MGAT4C: variants seen among roughly 807,000 people sequenced by gnomAD.
MGAT4C encodes the protein MGAT4 family member C.
A neutral mutation model predicts 40.1 loss-of-function variants in MGAT4C; 19 were observed. That is an observed-to-expected ratio of 0.47 (90% CI 0.33 to 0.70). The LOEUF is 0.70. Among genes scored for constraint, MGAT4C ranks in the 30% least tolerant of loss-of-function variants. The pLI is 0.02. For synonymous variants in MGAT4C, 181 were observed against 187.1 expected (o/e 0.97, Z 0.27); for missense variants, 491 against 563.2 (o/e 0.87, Z 1.30).
At chr12:86,224,298 T>A (rs1184342295) in intron 1 of MGAT4C, among the ~76,000 whole-genome samples, 1 of 152,186 alleles carries the variant, frequency 6.6e-6, no homozygotes, top group African/African-American at 2.4e-5. Context: ...TACCCAGATT[T>A]ATAAAGCAAA....
chr12:86,208,353 G>A (rs1950341039), intron 1 of MGAT4C, among the ~76,000 whole-genome samples: 1 of 152,152 alleles, frequency 6.6e-6, no homozygotes, highest in Non-Finnish European at 1.5e-5. Context: ...TGTAATCCCA[G>A]CTACTCAGGC....
intron 3 of MGAT4C, among the ~76,000 whole-genome samples, chr12:86,404,227 T>C (rs1400535644): frequency 6.6e-6 from 1 of 152,172 alleles, no homozygotes; most frequent in Non-Finnish European, 1.5e-5. Context: ...TGCAAGAGCA[T>C]TTAATATTAT....
At chr12:86,180,479 C>G (rs1334951632) in intron 1 of MGAT4C, among the ~76,000 whole-genome samples, 1 of 152,172 alleles carries the variant, frequency 6.6e-6, no homozygotes, top group Non-Finnish European at 1.5e-5. Flanking sequence ...GGAAAAGCCT[C>G]AGACACTCAA....
chr12:86,447,356 C>T lies in MGAT4C; in HGVS notation c.-228-12091G>A, dbSNP rs544965303. On this transcript the variant is annotated intron_variant, in intron 2 of 7. Transcript: ENST00000548651. Reference sequence around the variant, plus strand: ...GTTAGGCTGGTCTCGAACTACTGACCTCAGGTGAACCACCTGCCTTGGCCT... The same window carrying T: ...GTTAGGCTGGTCTCGAACTACTGACTTCAGGTGAACCACCTGCCTTGGCCT... Among the ~76,000 whole-genome samples, 5 of 152,230 alleles carry T rather than the reference C, an allele frequency of 3.3e-5. No individual in the cohort carries two copies. In the East Asian group the frequency reaches 7.8e-4, roughly 24 times the overall value.
At chr12:86,787,337 GAGT>G (rs1342904192) in intron 1 of MGAT4C, among the ~76,000 whole-genome samples, 4 of 16,604 alleles carry the variant, frequency 2.4e-4, no homozygotes, top group African/African-American at 3.3e-4. Flanking sequence ...TTTTATGACT[GAGT>G]AGTATTCAAT....
At chr12:86,490,412 T>C (rs1423138786) in intron 2 of MGAT4C, among the ~76,000 whole-genome samples, 1 of 150,830 alleles carries the variant, frequency 6.6e-6, no homozygotes, top group Admixed American at 6.6e-5. Flanking sequence ...CTAAAAGAGC[T>C]CCTGAAGGAA....
intron 2 of MGAT4C, among the ~76,000 whole-genome samples, chr12:86,556,658 C>G (rs1385662842): frequency 6.6e-6 from 1 of 152,024 alleles, no homozygotes; most frequent in Admixed American, 6.6e-5. Context: ...ATATTTTTTC[C>G]TTTAATATGC....
chr12:86,308,308 TAGAG>T (rs1281350032), intron 4 of MGAT4C, among the ~76,000 whole-genome samples: 4 of 150,508 alleles, frequency 2.7e-5, no homozygotes, highest in Admixed American at 2.0e-4. Context: ...AAGTGCCTGT[TAGAG>T]AGAAAAATAC....
intron 2 of MGAT4C, among the ~76,000 whole-genome samples, chr12:86,019,565 C>T (rs1889444158): frequency 6.6e-6 from 1 of 152,252 alleles, no homozygotes; most frequent in Admixed American, 6.5e-5. Flanking sequence ...AATGTTAAGA[C>T]ATAATACATG....
At chr12:86,533,989 G>T (rs947820965) in intron 2 of MGAT4C, among the ~76,000 whole-genome samples, 5 of 151,964 alleles carry the variant, frequency 3.3e-5, no homozygotes, top group African/African-American at 1.2e-4. Context: ...ACAGATAGTA[G>T]GCCCTGAAGG....
chr12:85,956,656 C>T lies in MGAT4C; in HGVS notation c.*22633G>A, dbSNP rs930019914. On this transcript the variant is annotated 3_prime_UTR_variant, in exon 5 of 5. Transcript: ENST00000611864. ...ATAACAATTTCAGTTTTCAGCCTGTCTTGTAAGATTTAACCCAAGCTACAG... is the reference window on the plus strand; with the variant it reads ...ATAACAATTTCAGTTTTCAGCCTGTTTTGTAAGATTTAACCCAAGCTACAG... 6 of 152,082 alleles carry T rather than the reference C, an allele frequency of 3.9e-5. No homozygotes were observed. The highest frequency in any genetic ancestry group is 1.4e-4 in the African/African-American group (6 of 41,410). 9.4% of individuals were successfully genotyped at this position (152,082 alleles called of 1,614,324 possible).
intron 2 of MGAT4C, among the ~76,000 whole-genome samples, chr12:85,992,320 A>C (rs1886047316): frequency 6.6e-6 from 1 of 152,122 alleles, no homozygotes; most frequent in Non-Finnish European, 1.5e-5. Flanking sequence ...CCTTTCATGC[A>C]TATCTAGCTG....
At chr12:86,124,286 TA>T (rs1879906485) in intron 1 of MGAT4C, among the ~76,000 whole-genome samples, 2 of 152,126 alleles carry the variant, frequency 1.3e-5, no homozygotes, top group Non-Finnish European at 2.9e-5. Context: ...TAATAAGCTG[TA>T]AAAATATTAA....
chr12:86,182,542 C>T (rs1349474101), intron 1 of MGAT4C, among the ~76,000 whole-genome samples: 1 of 152,078 alleles, frequency 6.6e-6, no homozygotes, highest in African/African-American at 2.4e-5. Flanking sequence ...CCTCTCCCTT[C>T]CTACTTGCTT....
intron 2 of MGAT4C, among the ~76,000 whole-genome samples, chr12:86,506,288 A>G (rs1046786513): frequency 2.6e-5 from 4 of 152,210 alleles, no homozygotes; most frequent in Non-Finnish European, 5.9e-5. Context: ...ATAGAAAGAT[A>G]ACCATTCAAA....
At chr12:86,377,401 C>G (rs1379390056) in intron 3 of MGAT4C, among the ~76,000 whole-genome samples, 2 of 152,006 alleles carry the variant, frequency 1.3e-5, no homozygotes, top group African/African-American at 4.8e-5. Context: ...TGCTTTTTTC[C>G]TATTATTTTA....
intron 2 of MGAT4C, among the ~76,000 whole-genome samples, chr12:86,507,621 T>G (rs1303646058): frequency 6.6e-6 from 1 of 152,188 alleles, no homozygotes; most frequent in African/African-American, 2.4e-5. Flanking sequence ...CAAGCCCAGC[T>G]GAAGAAAGCA....
At chr12:86,212,891 C>CAAAAAAAAA (rs71076172) in intron 1 of MGAT4C, among the ~76,000 whole-genome samples, 3 of 22,520 alleles carry the variant, frequency 1.3e-4, no homozygotes, top group African/African-American at 3.8e-4. Context: ...GACTCCGTCT[C>CAAAAAAAAA]AAAAAAAAAA....
intron 1 of MGAT4C, among the ~76,000 whole-genome samples, chr12:86,773,473 G>A (rs368404760): frequency 1.3e-5 from 2 of 152,104 alleles, no homozygotes; most frequent in African/African-American, 4.8e-5. Context: ...GGGATACTTT[G>A]TTATGGCAAC....
Sources: allele counts gnomAD v4.1 joint callset (sites outside exome capture counted in the v4.1 genomes callset), GRCh38; gene constraint gnomAD v4.1.1; transcripts MANE v1.5; gene names NCBI Gene and HGNC (gene_info 2026-07-23, HGNC 2026-07-21).